The following AMACR variants were observed in gnomAD, a reference collection of about 807,000 sequenced individuals.
AMACR encodes the protein alpha-methylacyl-CoA racemase.
Under a neutral mutation model 22.2 loss-of-function variants are expected in AMACR, and 18 were observed. That is an observed-to-expected ratio of 0.81 (90% CI 0.56 to 1.20). The LOEUF is 1.20. AMACR is among the 50% of genes most tolerant of loss of function. The pLI is 0.00. For missense variants in AMACR, 499 were observed against 490.6 expected (o/e 1.02, Z -0.16); for synonymous variants, 213 against 191.3 (o/e 1.11, Z -0.94).
intron 2 of AMACR, 42 bp from the exon 3 acceptor site, chr5:34,004,776 A>G: frequency 6.3e-7 from 1 of 1,590,058 alleles, no homozygotes; most frequent in Non-Finnish European, 8.6e-7. Context: ...TTTAAATTTA[A>G]TCTCTTCTTA....
At chr5:34,002,045 G>A (rs1753834785) in intron 3 of AMACR, among the ~76,000 whole-genome samples, 1 of 152,210 alleles carries the variant, frequency 6.6e-6, no homozygotes, top group Admixed American at 6.5e-5. Flanking sequence ...CACCCAGGCT[G>A]AAGTGTAGTA....
chr5:33,992,393 ATATAAAT>A (rs1258238185), intron 4 of AMACR, among the ~76,000 whole-genome samples: 1 of 150,012 alleles, frequency 6.7e-6, no homozygotes, highest in Non-Finnish European at 1.5e-5. Flanking sequence ...ATAATTATAT[ATATAAAT>A]TATAAATTGT....
chr5:33,991,901 C>CA (rs1012937964), intron 4 of AMACR, among the ~76,000 whole-genome samples: 2 of 152,052 alleles, frequency 1.3e-5, no homozygotes, highest in African/African-American at 4.8e-5. Context: ...TTATTTAAGA[C>CA]AGAGTCTCAC....
At chr5:34,003,035 C>T (rs1753865353) in intron 3 of AMACR, among the ~76,000 whole-genome samples, 1 of 152,218 alleles carries the variant, frequency 6.6e-6, no homozygotes, top group Non-Finnish European at 1.5e-5. Context: ...AGTTGACACT[C>T]TCAGTCTCTA....
rs1031250474 is a variant in AMACR at position 33,989,592 on chromosome 5, C to A, written c.740-90G>T. On this transcript the variant is annotated intron_variant, in intron 4 of 4. Transcript: ENST00000335606. ...TGAATGCTGAGCCCACTGTACTATG[C>A]AAAATAAGATGTTCTATAAGGGCTT... 23 of 1,079,026 alleles carry A rather than the reference C, an allele frequency of 2.1e-5. 1 individual carries two copies. In the South Asian group the frequency reaches 3.0e-4, roughly 14 times the overall value. 66.8% of individuals were successfully genotyped at this position (1,079,026 alleles called of 1,614,324 possible).
intron 3 of AMACR, among the ~76,000 whole-genome samples, chr5:34,003,185 G>A (rs187236397): frequency 3.3e-5 from 5 of 152,204 alleles, no homozygotes; most frequent in Admixed American, 1.3e-4. Context: ...CTTAAATGCC[G>A]GTGTTCTATC....
intron 4 of AMACR, among the ~76,000 whole-genome samples, chr5:33,991,724 ATTT>A (rs934986446): frequency 1.4e-5 from 1 of 73,590 alleles, no homozygotes; most frequent in African/African-American, 5.5e-5. Flanking sequence ...TGTAAACACT[ATTT>A]TATTATTATT....
At chr5:33,994,129 C>A in intron 4 of AMACR, 1 of 449,408 alleles carries the variant, frequency 2.2e-6, no homozygotes, top group Non-Finnish European at 4.5e-6. Flanking sequence ...ATCTAAAACA[C>A]AAAGGGGAGT....
rs190637846 is a variant in AMACR at position 34,000,740 on chromosome 5, C to T, written c.553-1913G>A. On this transcript the variant is annotated intron_variant, in intron 3 of 4. Coordinates refer to ENST00000335606, the MANE Select transcript of AMACR (RefSeq NM_014324.6). The stretch of plus-strand genomic sequence containing the variant: ...CCTAACATCCAGTCAAAATGAAATA[C>T]AGTAATAAACTGAATACTGAAAGCG... Among the ~76,000 whole-genome samples, 21 of 152,228 alleles carry T rather than the reference C, an allele frequency of 1.4e-4. No individual in the cohort carries two copies. In the East Asian group the frequency reaches 3.7e-3, roughly 27 times the overall value.
intron 4 of AMACR, chr5:33,997,483 C>T (rs1272462081): frequency 2.6e-6 from 2 of 779,740 alleles, no homozygotes; most frequent in Admixed American, 3.4e-5. Flanking sequence ...GATACTGCTT[C>T]CTGTTGTATT....
intron 3 of AMACR, among the ~76,000 whole-genome samples, chr5:34,003,666 T>C (rs1361733212): frequency 6.6e-6 from 1 of 152,190 alleles, no homozygotes; most frequent in African/African-American, 2.4e-5. Flanking sequence ...CAGCCTCAAC[T>C]TCTCCCTCTT....
intron 1 of AMACR, 143 bp from the exon 2 acceptor site, chr5:34,006,042 T>A: frequency 2.0e-6 from 2 of 986,232 alleles, no homozygotes; most frequent in South Asian, 1.6e-5. Flanking sequence ...TTACAGCAGT[T>A]AAGGACTCAA....
At chr5:34,001,102 C>T (rs938614894) in intron 3 of AMACR, among the ~76,000 whole-genome samples, 1 of 152,210 alleles carries the variant, frequency 6.6e-6, no homozygotes, top group Non-Finnish European at 1.5e-5. Context: ...TGGCACACGG[C>T]TTCTCTTGCC....
chr5:34,007,678 G>A, intron 1 of AMACR, 95 bp downstream of exon 1: 3 of 1,444,658 alleles, frequency 2.1e-6, no homozygotes, highest in Non-Finnish European at 2.7e-6. Flanking sequence ...TGCGGCAACA[G>A]GGCAAAGGTG....
Position 34,004,613 on chromosome 5 carries a change from G to A in AMACR, c.513C>T (p.Arg171=), listed in dbSNP as rs762760236. 6.2e-7 allele frequency: 1 copy of A among 1,614,106 alleles called. No individual in the cohort carries two copies. The highest frequency in any genetic ancestry group is 8.5e-7 in the Non-Finnish European group (1 of 1,180,022). Residue 171 remains arginine, a synonymous_variant, in exon 3 of 5, where the codon CGC becomes CGT. Transcript: ENST00000335606. ...TGACCTGACCCTTGCCAGTGCGTGT[G>A]CGGTCAAAAAGAGCCATTATAATGC... ...ALGIIMALFD[R]TRTGKGQVID... is the part of the protein sequence containing the mutation.
At chr5:33,990,827 G>A (rs796946092) in intron 4 of AMACR, among the ~76,000 whole-genome samples, 6 of 152,322 alleles carry the variant, frequency 3.9e-5, no homozygotes, top group African/African-American at 1.4e-4. Context: ...TGAGGAAATA[G>A]GAAGAACTAA....
Position 33,986,518 on chromosome 5 carries a change from C to T in AMACR, c.*2575G>A, listed in dbSNP as rs1041920414. Reference sequence around the variant, plus strand: ...GGAATTACTGAGTGAATAAACCATACACACTGCATTTTGTGCTGCCTGTCT... The same window carrying T: ...GGAATTACTGAGTGAATAAACCATATACACTGCATTTTGTGCTGCCTGTCT... On this transcript the variant is annotated 3_prime_UTR_variant, in exon 5 of 5. Transcript: ENST00000335606. 4 of 152,228 alleles carry T rather than the reference C, an allele frequency of 2.6e-5. No homozygotes were observed. The highest frequency in any genetic ancestry group is 9.6e-5 in the African/African-American group (4 of 41,458). The allele number at this position is 152,228 out of a possible 1,614,324, so 9.4% of individuals were successfully genotyped here.
At chr5:33,998,921 A>G in intron 3 of AMACR, 94 bp from the exon 4 acceptor site, 1 of 1,209,596 alleles carries the variant, frequency 8.3e-7, no homozygotes, top group Non-Finnish European at 1.2e-6. Flanking sequence ...ATTTGCGTAA[A>G]AATTCTTATC....
rs150765689 is a variant in AMACR at position 33,989,113 on chromosome 5, T to C, written c.1129A>G (p.Lys377Glu). The change falls in exon 5 of 5, where the codon AAG becomes GAG. Residue 377 changes from lysine (K) to glutamate (E), a missense_variant. Coordinates refer to ENST00000335606, the MANE Select transcript of AMACR (RefSeq NM_014324.6). ...LNSDKIIESN[K>E]VKASL The stretch of plus-strand genomic sequence containing the variant: ...GGAAGTTAGAGACTAGCTTTTACCT[T>C]ATTACTTTCAATGATTTTATCTGAG... 6 of 1,614,090 alleles carry C rather than the reference T, an allele frequency of 3.7e-6. No individual in the cohort carries two copies. The highest frequency in any genetic ancestry group is 4.2e-6 in the Non-Finnish European group (5 of 1,180,042).
Sources: gnomAD v4.1 joint callset for allele counts (sites outside exome capture counted in the v4.1 genomes callset) on GRCh38, gnomAD v4.1.1 for gene constraint, MANE v1.5 for transcripts, NCBI Gene and HGNC (gene_info 2026-07-23, HGNC 2026-07-21) for gene names.